Variants in ITCH observed in about 807,000 individuals in gnomAD.
ITCH encodes the protein itchy E3 ubiquitin protein ligase.
A neutral mutation model predicts 126.8 loss-of-function variants in ITCH; 28 were observed. The observed-to-expected ratio is 0.22, with a 90% CI of 0.16 to 0.30. The LOEUF (loss-of-function observed/expected upper bound fraction) is 0.30, where lower values mean the gene tolerates loss of function less well. Ranked by LOEUF, ITCH falls within the 10% of genes least tolerant of loss-of-function variation. The pLI, the probability that ITCH is intolerant of heterozygous loss-of-function variation, is 1.00. For missense variants in ITCH, 631 were observed against 1,032.4 expected (o/e 0.61, Z 5.33); for synonymous variants, 342 against 340.0 (o/e 1.01, Z -0.06).
chr20:34,466,384 T>C (rs1024514534), intron 14 of ITCH: 5 of 532,632 alleles, frequency 9.4e-6, no homozygotes, highest in African/African-American at 3.9e-5. Context: ...AGTTTTCTTA[T>C]AGTGTGGCTT....
chr20:34,421,266 C>T (rs1980727883), intron 6 of ITCH, among the ~76,000 whole-genome samples: 1 of 152,158 alleles, frequency 6.6e-6, no homozygotes, highest in South Asian at 2.1e-4. Context: ...AGGTGCTCAC[C>T]ACCATACCTG....
chr20:34,393,591 A>G (rs1305434154), intron 2 of ITCH, among the ~76,000 whole-genome samples, 200 bp from the exon 3 acceptor site: 1 of 152,174 alleles, frequency 6.6e-6, no homozygotes, highest in Non-Finnish European at 1.5e-5. Flanking sequence ...AGAAAGTAAA[A>G]CATGGAGGAG....
intron 23 of ITCH, among the ~76,000 whole-genome samples, chr20:34,496,751 C>T (rs1299637489): frequency 1.4e-5 from 2 of 146,992 alleles, no homozygotes; most frequent in African/African-American, 2.5e-5. Flanking sequence ...TGAGGTGAGC[C>T]GAGATCGTGC....
chr20:34,457,387 A>T lies in ITCH; in HGVS notation c.1211-3A>T. On this transcript the variant is annotated splice_region_variant and splice_polypyrimidine_tract_variant and intron_variant, in intron 12 of 24. Transcript: ENST00000374864. ...CTTTCCCCTGCCCCTGCCCTTCCCA[A>T]AGAGAAGAGAACAGACAGCAATGGC... The T allele has an allele frequency of 6.2e-7, 1 of 1,610,000 alleles. No homozygotes were observed. Among genetic ancestry groups the T allele is most frequent in the Non-Finnish European group, 8.5e-7 (1 of 1,176,474 alleles).
intron 2 of ITCH, among the ~76,000 whole-genome samples, chr20:34,375,619 C>CT (rs2037807784): frequency 2.0e-5 from 3 of 148,028 alleles, no homozygotes; most frequent in Middle Eastern, 3.6e-3. Context: ...AAATATATAC[C>CT]TTTTTTGTCA....
chr20:34,394,357 G>GT (rs968922750), intron 3 of ITCH, among the ~76,000 whole-genome samples: 7 of 151,194 alleles, frequency 4.6e-5, no homozygotes, highest in South Asian at 2.1e-4. Flanking sequence ...ATATTTTACA[G>GT]TTTTTTTTTC....
At chr20:34,453,933 G>A (rs117902431) in intron 12 of ITCH, among the ~76,000 whole-genome samples, 2,851 of 151,450 alleles carry the variant, frequency 0.019, 47 homozygotes, top group Middle Eastern at 0.031. Flanking sequence ...GGTCGAGGCT[G>A]CAGTGAGCTG....
intron 4 of ITCH, among the ~76,000 whole-genome samples, chr20:34,411,343 G>A (rs1036337559): frequency 2.6e-5 from 4 of 151,918 alleles, no homozygotes; most frequent in Non-Finnish European, 5.9e-5. Flanking sequence ...TAGTAGAGAC[G>A]GGGTTTCACC....
In ITCH at chr20:34,502,880, G is replaced by GTGGT. The variant is rs1327742313; in HGVS notation, c.2417-1450_2417-1447dup. ...CTAAAAATACAAAAATTAGTTGGGT[G>GTGGT]TGGTGGTGCACATCTGTAATCACAG... is the stretch of plus-strand genomic sequence containing the variant. On this transcript the variant is annotated intron_variant, in intron 23 of 24. Coordinates refer to ENST00000374864, the MANE Select transcript of ITCH (RefSeq NM_031483.7). 2.0e-5 allele frequency among the ~76,000 whole-genome samples: 3 copies of GTGGT among 152,074 alleles called. No individual in the cohort carries two copies. The East Asian group carries it at 5.8e-4, about 29-fold the overall frequency.
intron 7 of ITCH, among the ~76,000 whole-genome samples, chr20:34,432,672 GGGCCAGGCACAGT>G (rs1665634488): frequency 6.6e-6 from 1 of 152,120 alleles, no homozygotes; most frequent in African/African-American, 2.4e-5. Context: ...CTATTTTTTA[GGGCCAGGCACAGT>G]GGCTCATGCC....
chr20:34,451,940 C>T (rs994710020), intron 12 of ITCH, among the ~76,000 whole-genome samples: 2 of 151,630 alleles, frequency 1.3e-5, no homozygotes, highest in African/African-American at 4.8e-5. Flanking sequence ...TGTGGTGGAA[C>T]ACCTCCTAAT....
chr20:34,414,866 T>TA (rs1979608951), intron 6 of ITCH, among the ~76,000 whole-genome samples: 1 of 152,190 alleles, frequency 6.6e-6, no homozygotes. Context: ...AGGCTACACT[T>TA]ACAGAGATAT....
chr20:34,406,670 G>C (rs979490996), intron 3 of ITCH, among the ~76,000 whole-genome samples: 4 of 151,994 alleles, frequency 2.6e-5, no homozygotes. Context: ...GAGTAGCTGG[G>C]ACTACAGGCG....
At chr20:34,420,675 A>T (rs1980640612) in intron 6 of ITCH, among the ~76,000 whole-genome samples, 1 of 152,042 alleles carries the variant, frequency 6.6e-6, no homozygotes, top group Non-Finnish European at 1.5e-5. Flanking sequence ...ATACATAGGA[A>T]TTTTTTTTAA....
chr20:34,511,380 T>G lies in ITCH; in HGVS notation c.*3586T>G, dbSNP rs1226110434. The G allele has an allele frequency of 6.6e-6, 1 of 152,184 alleles. No homozygotes were observed. The allele number at this position is 152,184 out of a possible 1,614,324, so 9.4% of individuals were successfully genotyped here. On this transcript the variant is annotated 3_prime_UTR_variant, in exon 25 of 25. Coordinates refer to ENST00000374864, the MANE Select transcript of ITCH (RefSeq NM_031483.7). ...ATGTAAGACTGTTTATAATTAAACT[T>G]TTTTGGTCCTTCATTTGCATGCTTT...
chr20:34,376,592 G>A (rs556657443), intron 2 of ITCH, among the ~76,000 whole-genome samples: 2 of 152,196 alleles, frequency 1.3e-5, no homozygotes, highest in Admixed American at 6.6e-5. Flanking sequence ...ATATGCCAAG[G>A]TGCAGAGGCA....
chr20:34,483,453 A>T (rs1988900867), intron 20 of ITCH, among the ~76,000 whole-genome samples: 1 of 152,298 alleles, frequency 6.6e-6, no homozygotes, highest in East Asian at 1.9e-4. Context: ...ATCTCTCTCA[A>T]GTACAATCGT....
At chr20:34,416,556 G>A (rs1979885570) in intron 6 of ITCH, among the ~76,000 whole-genome samples, 2 of 152,028 alleles carry the variant, frequency 1.3e-5, no homozygotes, top group Non-Finnish European at 2.9e-5. Flanking sequence ...CCTACTTTTG[G>A]ACCACAGTTG....
intron 3 of ITCH, chr20:34,402,393 C>A: frequency 3.8e-6 from 3 of 788,800 alleles, no homozygotes; most frequent in Non-Finnish European, 7.0e-6. Flanking sequence ...CAACAAGCAA[C>A]AAAGGAGTCT....
Sources: gnomAD v4.1 joint callset for allele counts (sites outside exome capture counted in the v4.1 genomes callset) on GRCh38, gnomAD v4.1.1 for gene constraint, MANE v1.5 for transcripts, NCBI Gene and HGNC (gene_info 2026-07-23, HGNC 2026-07-21) for gene names.